The following DNAH10 variants were observed in gnomAD, a reference collection of about 807,000 sequenced individuals.
DNAH10 encodes the protein axonemal beta dynein heavy chain 10.
Under a neutral mutation model 506.6 loss-of-function variants are expected in DNAH10, and 348 were observed. The ratio of observed to expected loss-of-function variants is 0.69; its 90% confidence interval spans 0.63 to 0.75. The LOEUF is 0.75. Ranked by LOEUF, DNAH10 falls within the 30% of genes least tolerant of loss-of-function variation. The pLI is 0.00. For synonymous variants in DNAH10, 2,059 were observed against 2,198.6 expected (o/e 0.94, Z 1.78); for missense variants, 5,179 against 5,787.1 (o/e 0.89, Z 3.41).
rs1000318323 is a variant in DNAH10 at position 123,841,364 on chromosome 12, A to G, written c.5179A>G (p.Ser1727Gly). Residue 1727 changes from serine (S) to glycine (G), a missense_variant, in exon 30 of 79, where the codon AGT becomes GGT. Coordinates refer to ENST00000673944, the MANE Select transcript of DNAH10 (RefSeq NM_001372106.1). ...ATCACTGAGGTTTAATGACGGCGATAGTGGAGAAAAACTGGTGTCCGCGAT... is the reference window on the plus strand; with the variant it reads ...ATCACTGAGGTTTAATGACGGCGATGGTGGAGAAAAACTGGTGTCCGCGAT... Reference protein sequence around the residue: ...IASLRFNDGDSGEKLVSAMIS... With the variant: ...IASLRFNDGDGGEKLVSAMIS... 9.9e-6 allele frequency: 16 copies of G among 1,613,912 alleles called. No homozygotes were observed. Among genetic ancestry groups the G allele is most frequent in the Non-Finnish European group, 1.4e-5 (16 of 1,179,904 alleles).
At chr12:123,934,062 T>TA in intron 77 of DNAH10, 1 of 561,602 alleles carries the variant, frequency 1.8e-6, no homozygotes, top group Non-Finnish European at 3.2e-6. Context: ...ACTGGGGACT[T>TA]ACGGTAAAGA....
At position 123,909,182 on chromosome 12, in the gene DNAH10, G is replaced by A. The variant is rs541423301; in HGVS notation, c.9816-79G>A. 4.1e-5 allele frequency: 63 copies of A among 1,545,114 alleles called. No homozygotes were observed. The East Asian group carries it at 1.0e-3, about 25-fold the overall frequency. On this transcript the variant is annotated intron_variant, in intron 57 of 78. Coordinates refer to ENST00000673944, the MANE Select transcript of DNAH10 (RefSeq NM_001372106.1). This position sits in a 1 kb window ranked among gnomAD's most constrained non-coding sequence, Gnocchi z 5.4. ...CAGGGACTGTCTTTTGGTTGAGCTCGTTTTTCTGGAGCTCTCTTTCAGGCC... is the reference window on the plus strand; with the variant it reads ...CAGGGACTGTCTTTTGGTTGAGCTCATTTTTCTGGAGCTCTCTTTCAGGCC...
chr12:123,807,116 TCATC>T (rs889739340), intron 18 of DNAH10, among the ~76,000 whole-genome samples: 3 of 152,088 alleles, frequency 2.0e-5, no homozygotes, highest in Non-Finnish European at 4.4e-5. Context: ...ATTCATTTGT[TCATC>T]CATCCATCCA....
intron 47 of DNAH10, 118 bp downstream of exon 47, chr12:123,875,609 G>T: frequency 8.1e-7 from 1 of 1,235,210 alleles, no homozygotes; most frequent in African/African-American, 1.5e-5. Flanking sequence ...ACTTTTAAGG[G>T]CCTATGAAAA....
chr12:123,898,295 C>T (rs1386824729), intron 55 of DNAH10, among the ~76,000 whole-genome samples: 3 of 152,230 alleles, frequency 2.0e-5, no homozygotes, highest in Non-Finnish European at 4.4e-5. Context: ...ACTGCAGCCT[C>T]GACCTCCTGG....
chr12:123,804,464 G>A (rs1291367361), intron 17 of DNAH10, among the ~76,000 whole-genome samples: 2 of 151,458 alleles, frequency 1.3e-5, no homozygotes, highest in Non-Finnish European at 2.9e-5. Flanking sequence ...GGCGGAGCTT[G>A]CAGTGAGCCC....
intron 24 of DNAH10, among the ~76,000 whole-genome samples, chr12:123,825,340 C>G (rs905782781): frequency 6.6e-6 from 1 of 152,120 alleles, no homozygotes. Context: ...CATGAATGTT[C>G]ATAAACAGCA....
intron 24 of DNAH10, among the ~76,000 whole-genome samples, chr12:123,821,613 A>C (rs1469488595): frequency 1.3e-5 from 2 of 152,014 alleles, no homozygotes; most frequent in East Asian, 3.9e-4. Flanking sequence ...GATTACAGGC[A>C]TGAGCCATTG....
chr12:123,819,301 G>A, intron 23 of DNAH10, 51 bp downstream of exon 23: 1 of 1,416,028 alleles, frequency 7.1e-7, no homozygotes, highest in Non-Finnish European at 9.8e-7. Context: ...GCAAATGTTT[G>A]AGTATGTTTT....
At chr12:123,800,682 C>CAAA (rs145211384) in intron 15 of DNAH10, among the ~76,000 whole-genome samples, 1 of 94,412 alleles carries the variant, frequency 1.1e-5, no homozygotes, top group South Asian at 3.2e-4. Context: ...AGCCTGTATC[C>CAAA]AAAAAAAAAA....
chr12:123,864,202 A>G (rs543712084), intron 39 of DNAH10, among the ~76,000 whole-genome samples: 66 of 144,114 alleles, frequency 4.6e-4, no homozygotes, highest in African/African-American at 1.6e-3. Flanking sequence ...TGGGAGTGCA[A>G]TAGTGCTATC....
chr12:123,797,822 A>AC (rs950663352), intron 13 of DNAH10, among the ~76,000 whole-genome samples: 1 of 151,832 alleles, frequency 6.6e-6, no homozygotes, highest in Non-Finnish European at 1.5e-5. Flanking sequence ...ATATGATCTC[A>AC]CCCCCCACCC....
intron 45 of DNAH10, among the ~76,000 whole-genome samples, chr12:123,872,562 C>T (rs1328297922): frequency 1.3e-5 from 2 of 152,128 alleles, no homozygotes; most frequent in African/African-American, 2.4e-5. Flanking sequence ...GGGTGCCCTA[C>T]GTGGAGAGAG....
rs760884319 is a variant in DNAH10 at position 123,833,326 on chromosome 12, T to C, written c.4758T>C (p.Ser1586=). 2.9e-5 allele frequency: 46 copies of C among 1,612,258 alleles called. No individual in the cohort carries two copies. The highest frequency in any genetic ancestry group is 3.9e-5 in the Non-Finnish European group (46 of 1,179,218). Residue 1586 remains serine, a synonymous_variant, in exon 27 of 79, where the codon TCT becomes TCC. Transcript: ENST00000673944. ...QTVHKWEKTL[S]LIGEVIEIWM... The stretch of plus-strand genomic sequence containing the variant: ...TTCACAAATGGGAAAAAACGCTTTC[T>C]CTAATAGGGGAAGTCATTGAGGTGA...
rs186076361 is a variant in DNAH10 at position 123,877,785 on chromosome 12, C to A, written c.8249C>A (p.Thr2750Lys). Residue 2750 changes from threonine to lysine, a missense_variant, in exon 48 of 79, where the codon ACG becomes AAG. Thr to Lys is a moderately conservative substitution (Grantham distance 78). Transcript: ENST00000673944. ...GTGAGTGGCAAGCTGACATTCTGCA[C>A]GCTAGCACTTTACAAAAATATTGTG... ...VAVSGKLTFCTLALYKNIVQD... is the reference protein window; with the variant it reads ...VAVSGKLTFCKLALYKNIVQD... 10 of 1,613,894 alleles carry A rather than the reference C, an allele frequency of 6.2e-6. No homozygotes were observed. The Admixed American group carries it at 1.5e-4, about 24-fold the overall frequency.
chr12:123,856,052 T>A (rs1426886551), intron 36 of DNAH10, among the ~76,000 whole-genome samples: 1 of 148,190 alleles, frequency 6.7e-6, no homozygotes, highest in African/African-American at 2.4e-5. Context: ...AAATATGAAA[T>A]TTCATATATT....
chr12:123,823,791 A>T (rs1399944174), intron 24 of DNAH10, among the ~76,000 whole-genome samples: 3 of 152,146 alleles, frequency 2.0e-5, no homozygotes, highest in Admixed American at 2.0e-4. Context: ...TTAAAAATAT[A>T]CAATTTTTAT....
rs1344208148 is a variant in DNAH10, at chr12:123,826,693, A to G, written c.4186A>G (p.Lys1396Glu). The G allele has an allele frequency of 2.5e-6, 4 of 1,612,884 alleles. No individual in the cohort carries two copies. The highest frequency in any genetic ancestry group is 3.3e-5 in the Admixed American group (2 of 59,964). ...GTTCCTTGCACGTTTCCAGGTTGCAAAAGAAGAATGGTCTCAGACCCTTTG... is the reference window on the plus strand; with the variant it reads ...GTTCCTTGCACGTTTCCAGGTTGCAGAAGAAGAATGGTCTCAGACCCTTTG... ...YELYEGLKVA[K>E]EEWSQTLWIN... The change falls in exon 25 of 79, where the codon AAA becomes GAA. Residue 1396 changes from lysine (K) to glutamate (E), a missense_variant. Coordinates refer to ENST00000673944, the MANE Select transcript of DNAH10 (RefSeq NM_001372106.1).
intron 54 of DNAH10, among the ~76,000 whole-genome samples, chr12:123,896,986 G>A (rs1017929847): frequency 3.9e-5 from 6 of 152,060 alleles, no homozygotes; most frequent in Non-Finnish European, 7.4e-5. Context: ...CTCCATACCC[G>A]TTAAACACGA....
Sources: allele counts gnomAD v4.1 joint callset (sites outside exome capture counted in the v4.1 genomes callset), GRCh38; gene constraint gnomAD v4.1.1; non-coding constraint Gnocchi (gnomAD v3.1); transcripts MANE v1.5; gene names NCBI Gene and HGNC (gene_info 2026-07-23, HGNC 2026-07-21).